The following PIWIL2 variants were observed in gnomAD, a reference collection of about 807,000 sequenced individuals.
The protein encoded by PIWIL2 is piwi-like protein 2.
Under a neutral mutation model 116.5 loss-of-function variants are expected in PIWIL2, and 81 were observed. The observed-to-expected ratio is 0.70, with a 90% CI of 0.58 to 0.84. PIWIL2 has a LOEUF of 0.84. Among genes scored for constraint, PIWIL2 ranks in the 40% least tolerant of loss-of-function variants. PIWIL2 has a pLI of 0.00. For synonymous variants in PIWIL2, 489 were observed against 429.5 expected (o/e 1.14, Z -1.71); for missense variants, 1,272 against 1,212.3 (o/e 1.05, Z -0.73).
At position 22,290,322 on chromosome 8, in the gene PIWIL2, G is replaced by A. The variant is rs763047934; in HGVS notation, c.1157G>A (p.Arg386Gln). ...LLADVSHKVI[R>Q]NDCVLDVMHA... ...GCTGATGTCTCCCATAAGGTCATTCGGAATGACTGTGTGCTGGATGTCATG... is the reference window on the plus strand; with the variant it reads ...GCTGATGTCTCCCATAAGGTCATTCAGAATGACTGTGTGCTGGATGTCATG... The change falls in exon 10 of 23, where the codon CGG (arginine) becomes CAG (glutamine). Residue 386 changes from arginine to glutamine, a missense_variant. Physicochemically the swap from Arg to Gln is conservative, Grantham distance 43. Transcript: ENST00000356766. The A allele has an allele frequency of 1.6e-5, 26 of 1,606,424 alleles. No individual in the cohort carries two copies. In the Admixed American group the frequency reaches 3.5e-4, roughly 22 times the overall value.
At chr8:22,297,734 A>G (rs1477190116) in intron 10 of PIWIL2, among the ~76,000 whole-genome samples, 1 of 152,094 alleles carries the variant, frequency 6.6e-6, no homozygotes, top group Non-Finnish European at 1.5e-5. Flanking sequence ...TGGATGAAAA[A>G]TTACTGATAG....
Position 22,283,014 on chromosome 8 carries a change from CCT to C in PIWIL2, c.426-12_426-11del. 6.3e-7 allele frequency: 1 copy of C among 1,593,754 alleles called. No individual in the cohort carries two copies. The highest frequency in any genetic ancestry group is 1.3e-5 in the African/African-American group (1 of 74,634). ...AGCTATTATAAAAAACCCTGATTTG[CCT>C]CTCTCTCCACATTTCAGGACGCTTG... On this transcript the variant is annotated intron_variant, in intron 4 of 22. Coordinates refer to ENST00000356766, the MANE Select transcript of PIWIL2 (RefSeq NM_018068.5).
chr8:22,290,613 ATTTTTTTTT>A (rs34573190), intron 10 of PIWIL2, among the ~76,000 whole-genome samples: 7 of 114,098 alleles, frequency 6.1e-5, no homozygotes, highest in South Asian at 5.9e-4. Flanking sequence ...CCAATTTTTA[ATTTTTTTTT>A]TTTTTTTTTT....
At chr8:22,283,758 C>T (rs1251238576) in intron 5 of PIWIL2, among the ~76,000 whole-genome samples, 1 of 152,214 alleles carries the variant, frequency 6.6e-6, no homozygotes, top group South Asian at 2.1e-4. Context: ...GGACATATAG[C>T]ATGCAACTAA....
intron 10 of PIWIL2, among the ~76,000 whole-genome samples, chr8:22,292,355 G>A (rs140906762): frequency 3.2e-4 from 48 of 152,336 alleles, no homozygotes; most frequent in African/African-American, 1.2e-3. Context: ...CACCAGTCAA[G>A]AGGCTGTGGT....
At chr8:22,351,429 GTGCA>G (rs1366465019) in intron 20 of PIWIL2, among the ~76,000 whole-genome samples, 1 of 65,446 alleles carries the variant, frequency 1.5e-5, no homozygotes, top group Non-Finnish European at 3.1e-5. Context: ...GTAAGGAACA[GTGCA>G]TACATACATA....
In PIWIL2 at chr8:22,331,303, C is replaced by G. The variant is rs139682571; in HGVS notation, c.2403+13028C>G. ...TTGAGGCCAGGAGTCTGCAACCAGC[C>G]TGCTCAACATAGTGAGATCTCGTCT... On this transcript the variant is annotated intron_variant, in intron 20 of 22. Transcript: ENST00000356766. Among the ~76,000 whole-genome samples, 128 of 152,148 alleles carry G rather than the reference C, an allele frequency of 8.4e-4. 2 individuals carry two copies. The East Asian group carries it at 0.023, about 27-fold the overall frequency.
At chr8:22,335,800 C>T (rs1475429047) in intron 20 of PIWIL2, among the ~76,000 whole-genome samples, 1 of 152,074 alleles carries the variant, frequency 6.6e-6, no homozygotes, top group Admixed American at 6.6e-5. Flanking sequence ...TTCAAGTGAT[C>T]CACCTGCCTC....
chr8:22,319,624 G>T (rs1388378899), intron 20 of PIWIL2, among the ~76,000 whole-genome samples: 1 of 152,200 alleles, frequency 6.6e-6, no homozygotes, highest in Non-Finnish European at 1.5e-5. Context: ...GAGCAAGTTT[G>T]ATGTTCACAA....
intron 4 of PIWIL2, among the ~76,000 whole-genome samples, chr8:22,282,544 A>G (rs138036707): frequency 1.3e-5 from 2 of 151,586 alleles, no homozygotes; most frequent in Non-Finnish European, 2.9e-5. Flanking sequence ...GCTATGGAAG[A>G]TGGCTCTGAC....
chr8:22,311,927 C>A (rs1831341459), intron 16 of PIWIL2, among the ~76,000 whole-genome samples: 1 of 152,132 alleles, frequency 6.6e-6, no homozygotes, highest in South Asian at 2.1e-4. Flanking sequence ...AGAATTCAAT[C>A]ATCTTGGCAT....
intron 20 of PIWIL2, among the ~76,000 whole-genome samples, chr8:22,322,895 GC>G (rs1192928776): frequency 1.3e-5 from 2 of 152,078 alleles, no homozygotes; most frequent in Non-Finnish European, 2.9e-5. Context: ...TATCTCAAGA[GC>G]CAGACACCTT....
At chr8:22,310,497 G>A (rs1165349428) in intron 15 of PIWIL2, among the ~76,000 whole-genome samples, 1 of 152,172 alleles carries the variant, frequency 6.6e-6, no homozygotes, top group African/African-American at 2.4e-5. Flanking sequence ...ACTTCTCAGT[G>A]TTTTTGACCA....
In PIWIL2 at chr8:22,288,669, A is replaced by G; in HGVS notation, c.986+3A>G. The G allele has an allele frequency of 6.2e-7, 1 of 1,606,404 alleles. No homozygotes were observed. Among genetic ancestry groups the G allele is most frequent in the Non-Finnish European group, 8.5e-7 (1 of 1,176,620 alleles). ...TTCTACAATGTTGTTTTCCGTCGGT[A>G]AGAAAACAGCTGAAGTTCTATTGTC... On this transcript the variant is annotated splice_donor_region_variant and intron_variant, in intron 8 of 22. Transcript: ENST00000356766.
chr8:22,303,568 A>G (rs1372337263), intron 10 of PIWIL2, among the ~76,000 whole-genome samples: 1 of 151,842 alleles, frequency 6.6e-6, no homozygotes. Context: ...CTAATTTTTT[A>G]AGTTTTTTAG....
intron 3 of PIWIL2, 70 bp from the exon 4 acceptor site, chr8:22,281,307 A>T (rs182255382): frequency 0.012 from 14,721 of 1,234,662 alleles, 102 homozygotes; most frequent in African/African-American, 0.045. Context: ...TGCTTTTTTT[A>T]AAAAAAAAAA....
intron 20 of PIWIL2, among the ~76,000 whole-genome samples, chr8:22,332,076 G>A (rs904318018): frequency 6.6e-6 from 1 of 152,082 alleles, no homozygotes; most frequent in Non-Finnish European, 1.5e-5. Context: ...GGGAGGCTGA[G>A]GCAGGTGGAT....
chr8:22,313,163 C>T lies in PIWIL2; in HGVS notation c.1990-1165C>T, dbSNP rs117648758. Reference sequence around the variant, plus strand: ...GAATTTCATTCATATCGCTTACCAACTTATCTCATAGCGGCCTTGCTCTGT... The same window carrying T: ...GAATTTCATTCATATCGCTTACCAATTTATCTCATAGCGGCCTTGCTCTGT... On this transcript the variant is annotated intron_variant, in intron 16 of 22. Transcript: ENST00000356766. 1.4e-3 allele frequency among the ~76,000 whole-genome samples: 219 copies of T among 152,282 alleles called. 3 individuals carry two copies. In the East Asian group the frequency reaches 0.024, roughly 17 times the overall value.
intron 2 of PIWIL2, 65 bp downstream of exon 2, chr8:22,279,649 A>G: frequency 6.8e-7 from 1 of 1,475,506 alleles, no homozygotes; most frequent in African/African-American, 1.4e-5. Context: ...AGAGGAAGTA[A>G]TGGATTTCAA....
Sources: allele counts gnomAD v4.1 joint callset (sites outside exome capture counted in the v4.1 genomes callset), GRCh38; gene constraint gnomAD v4.1.1; transcripts MANE v1.5; gene names NCBI Gene and HGNC (gene_info 2026-07-23, HGNC 2026-07-21).